The following KCNN2 variants were observed in gnomAD, a reference collection of about 807,000 sequenced individuals.
The protein encoded by KCNN2 is potassium calcium-activated channel subfamily N member 2, also known as small conductance calcium-activated potassium channel protein 2.
KCNN2 carries 24 observed loss-of-function variants against 55.5 expected under a neutral mutation model. That is an observed-to-expected ratio of 0.43 (90% CI 0.31 to 0.61). The LOEUF is 0.61. KCNN2 is among the 20% of genes least tolerant of loss of function. The pLI, the probability that KCNN2 is intolerant of heterozygous loss-of-function variation, is 0.08. For synonymous variants in KCNN2, 431 were observed against 336.1 expected (o/e 1.28, Z -3.09); for missense variants, 754 against 853.6 (o/e 0.88, Z 1.45).
At chr5:114,482,038 A>C (rs1762251026) in intron 5 of KCNN2, among the ~76,000 whole-genome samples, 1 of 152,196 alleles carries the variant, frequency 6.6e-6, no homozygotes, top group South Asian at 2.1e-4. Flanking sequence ...AATGGGATCT[A>C]ATTAAACTAA....
chr5:114,321,619 A>G (rs554154300), intron 2 of KCNN2, among the ~76,000 whole-genome samples: 17 of 151,138 alleles, frequency 1.1e-4, no homozygotes, highest in African/African-American at 3.2e-4. Context: ...CATCTCTTAC[A>G]TCAGTTCTCA....
At chr5:114,186,971 T>C (rs753702205) in intron 1 of KCNN2, among the ~76,000 whole-genome samples, 5 of 152,178 alleles carry the variant, frequency 3.3e-5, no homozygotes, top group African/African-American at 4.8e-5. Context: ...CCTATGAACA[T>C]GGTAAAGAAG....
chr5:114,300,677 A>G (rs1756136285), intron 2 of KCNN2, among the ~76,000 whole-genome samples: 1 of 152,168 alleles, frequency 6.6e-6, no homozygotes, highest in Non-Finnish European at 1.5e-5. Flanking sequence ...ATTGTAGAAT[A>G]TTTTCTCTGA....
At chr5:114,271,804 TCAATTCCAAAC>T (rs1329007567) in intron 2 of KCNN2, among the ~76,000 whole-genome samples, 2 of 152,196 alleles carry the variant, frequency 1.3e-5, no homozygotes, top group Non-Finnish European at 1.5e-5. Context: ...TCTGGCTGTG[TCAATTCCAAAC>T]CATTTTCATT....
At position 114,456,313 on chromosome 5, in the gene KCNN2, A is replaced by G. The variant is rs532519321; in HGVS notation, c.1638-6736A>G. ...GCCTGTGCCCTGTAAATGGAACAAC[A>G]AAGCCTGGATGACAGCACATCTGTT... On this transcript the variant is annotated intron_variant, in intron 3 of 7. Transcript: ENST00000673685. 2.9e-4 allele frequency among the ~76,000 whole-genome samples: 44 copies of G among 152,324 alleles called. No individual in the cohort carries two copies. The South Asian group carries it at 9.1e-3, about 32-fold the overall frequency.
intron 1 of KCNN2, among the ~76,000 whole-genome samples, chr5:114,128,073 A>T (rs1751974965): frequency 6.6e-6 from 1 of 152,036 alleles, no homozygotes; most frequent in Admixed American, 6.5e-5. Context: ...GAGCCCTCCA[A>T]ACTGTTCCAG....
intron 2 of KCNN2, among the ~76,000 whole-genome samples, chr5:114,323,394 C>G (rs559697684): frequency 6.6e-6 from 1 of 152,234 alleles, no homozygotes; most frequent in South Asian, 2.1e-4. Flanking sequence ...TTGGTACCAT[C>G]ATAAGCACCA....
At chr5:114,252,040 G>A (rs916646107) in intron 2 of KCNN2, among the ~76,000 whole-genome samples, 3 of 151,202 alleles carry the variant, frequency 2.0e-5, no homozygotes, top group Non-Finnish European at 2.9e-5. Flanking sequence ...CACCAAGCCC[G>A]GCTAATTTTG....
At chr5:114,443,737 ATG>A (rs961109812) in intron 3 of KCNN2, among the ~76,000 whole-genome samples, 4 of 152,250 alleles carry the variant, frequency 2.6e-5, no homozygotes, top group Non-Finnish European at 1.5e-5. Context: ...CGTGAAATAG[ATG>A]CACGGGTGGC....
chr5:114,249,425 T>C (rs1390242292), intron 2 of KCNN2, among the ~76,000 whole-genome samples: 4 of 151,822 alleles, frequency 2.6e-5, no homozygotes, highest in Non-Finnish European at 5.9e-5. Flanking sequence ...TAGCTGGGAT[T>C]ACAGGTGCGT....
intron 2 of KCNN2, among the ~76,000 whole-genome samples, chr5:114,398,935 C>CT (rs549422629): frequency 5.6e-4 from 85 of 152,196 alleles, no homozygotes; most frequent in African/African-American, 2.0e-3. Context: ...AATCATTGAA[C>CT]TTTTGTGCAG....
At chr5:114,095,941 T>A (rs1751246382) in intron 1 of KCNN2, among the ~76,000 whole-genome samples, 1 of 152,172 alleles carries the variant, frequency 6.6e-6, no homozygotes, top group Non-Finnish European at 1.5e-5. Context: ...TTTTCAAGCA[T>A]ATCAGTATTA....
At chr5:114,203,260 T>A (rs1022933604) in intron 1 of KCNN2, among the ~76,000 whole-genome samples, 1 of 152,214 alleles carries the variant, frequency 6.6e-6, no homozygotes, top group Non-Finnish European at 1.5e-5. Context: ...TCAATTCTTA[T>A]AATACATTGA....
intron 1 of KCNN2, among the ~76,000 whole-genome samples, chr5:114,208,039 T>G (rs13175113): frequency 0.45 from 69,049 of 151,984 alleles, 16,105 homozygotes; most frequent in Middle Eastern, 0.56. Context: ...GTTCTAGGCA[T>G]TTTTATGCCA....
At chr5:114,073,101 G>A (rs1338248375) in intron 1 of KCNN2, among the ~76,000 whole-genome samples, 1 of 152,116 alleles carries the variant, frequency 6.6e-6, no homozygotes, top group African/African-American at 2.4e-5. Context: ...ATCAAAGATT[G>A]TTGTAATAAC....
chr5:114,402,369 A>G (rs1465397517), intron 2 of KCNN2, among the ~76,000 whole-genome samples: 1 of 152,212 alleles, frequency 6.6e-6, no homozygotes, highest in East Asian at 1.9e-4. Flanking sequence ...TGAGAAAACA[A>G]ACACAACCTA....
chr5:114,087,118 A>T (rs773327637), intron 1 of KCNN2, among the ~76,000 whole-genome samples: 3 of 151,472 alleles, frequency 2.0e-5, no homozygotes, highest in Non-Finnish European at 4.4e-5. Context: ...TTTTAAATGG[A>T]TTTATTTGTT....
At chr5:114,458,717 G>C (rs1561396899) in intron 3 of KCNN2, among the ~76,000 whole-genome samples, 1 of 152,282 alleles carries the variant, frequency 6.6e-6, no homozygotes, top group East Asian at 1.9e-4. Flanking sequence ...TGGTGCTAGA[G>C]ATATCTACAA....
intron 1 of KCNN2, among the ~76,000 whole-genome samples, chr5:114,123,980 T>G (rs1751878354): frequency 6.6e-6 from 1 of 152,206 alleles, no homozygotes; most frequent in African/African-American, 2.4e-5. Flanking sequence ...CCTTCCCAAA[T>G]TTTTGCAACA....
Sources: allele counts gnomAD v4.1 joint callset (sites outside exome capture counted in the v4.1 genomes callset), GRCh38; gene constraint gnomAD v4.1.1; transcripts MANE v1.5; gene names NCBI Gene and HGNC (gene_info 2026-07-23, HGNC 2026-07-21).